The following KAZN variants were observed in gnomAD, a reference collection of about 807,000 sequenced individuals.
KAZN encodes kazrin.
In KAZN, 40 loss-of-function variants were observed where a neutral mutation model predicts 87.4. That is an observed-to-expected ratio of 0.46 (90% confidence interval 0.36 to 0.60). The LOEUF (loss-of-function observed/expected upper bound fraction) is 0.60, where lower values mean the gene tolerates loss of function less well. Ranked by LOEUF, KAZN falls within the 20% of genes least tolerant of loss-of-function variation. KAZN has a pLI of 0.00. For missense variants in KAZN, 898 were observed against 1,073.9 expected (o/e 0.84, Z 2.29); for synonymous variants, 466 against 458.3 (o/e 1.02, Z -0.22).
chr1:14,040,810 AAAAT>A (rs759757593), intron 1 of KAZN, among the ~76,000 whole-genome samples: 6 of 129,358 alleles, frequency 4.6e-5, no homozygotes, highest in Non-Finnish European at 1.1e-4. Flanking sequence ...AAAATAAAAT[AAAAT>A]AAAATAGAAA....
At chr1:15,073,788 G>C (rs1476943158) in intron 8 of KAZN, among the ~76,000 whole-genome samples, 1 of 152,192 alleles carries the variant, frequency 6.6e-6, no homozygotes, top group African/African-American at 2.4e-5. Flanking sequence ...TGAGACTTCT[G>C]TCCGGTGGAC....
intron 2 of KAZN, among the ~76,000 whole-genome samples, chr1:14,419,429 A>G (rs750865307): frequency 2.4e-4 from 37 of 152,134 alleles, no homozygotes; most frequent in Admixed American, 3.9e-4. Context: ...ACAGAACATG[A>G]GTGCCCAAAG....
intron 2 of KAZN, among the ~76,000 whole-genome samples, chr1:14,473,864 G>A (rs539546823): frequency 6.6e-6 from 1 of 152,188 alleles, no homozygotes; most frequent in South Asian, 2.1e-4. Context: ...TTATCTGGGA[G>A]GCTGACTCTT....
chr1:14,761,557 C>T (rs1180443507), intron 1 of KAZN, among the ~76,000 whole-genome samples: 1 of 152,176 alleles, frequency 6.6e-6, no homozygotes, highest in African/African-American at 2.4e-5. Context: ...CCTACTGCCC[C>T]CAACCACTGT....
intron 2 of KAZN, among the ~76,000 whole-genome samples, chr1:14,471,326 A>C (rs565249099): frequency 2.6e-4 from 39 of 152,372 alleles, no homozygotes; most frequent in African/African-American, 9.1e-4. Context: ...ATAGAAAATA[A>C]CACATATTCA....
rs1672116837 is a variant in KAZN, at chr1:15,034,993, T to A, written c.555+108T>A. ...TGCCTCTTGAATCCCCAAACACAGA[T>A]AGGGAGGCCCTTGATGTGTCCAGCC... On this transcript the variant is annotated intron_variant, in intron 3 of 14. Transcript: ENST00000376030. The A allele has an allele frequency of 7.4e-6, 10 of 1,360,102 alleles. No homozygotes were observed. The South Asian group carries it at 1.0e-4, about 14-fold the overall frequency. 84.3% of individuals were successfully genotyped at this position (1,360,102 alleles called of 1,614,324 possible). A position where few individuals can be genotyped will look rare whatever the true frequency, so the allele number is the denominator to read the frequency against.
chr1:14,228,524 G>A, intron 2 of KAZN, among the ~76,000 whole-genome samples: 1 of 152,280 alleles, frequency 6.6e-6, no homozygotes, highest in Admixed American at 6.5e-5. Context: ...TCAGAGAAGG[G>A]CCATGGGCAG....
At chr1:15,093,421 G>T (rs757189963) in intron 8 of KAZN, among the ~76,000 whole-genome samples, 6 of 152,058 alleles carry the variant, frequency 3.9e-5, no homozygotes, top group Non-Finnish European at 8.8e-5. Flanking sequence ...AGACAGGTCT[G>T]TGCCTTTCTC....
intron 2 of KAZN, among the ~76,000 whole-genome samples, chr1:14,447,483 C>T (rs1387687669): frequency 1.3e-5 from 2 of 152,100 alleles, no homozygotes; most frequent in African/African-American, 4.8e-5. Flanking sequence ...CGGTGATCCA[C>T]CCGCCTTGGC....
At chr1:14,829,237 A>C (rs1302337282) in intron 1 of KAZN, among the ~76,000 whole-genome samples, 3 of 152,240 alleles carry the variant, frequency 2.0e-5, no homozygotes, top group East Asian at 1.9e-4. Flanking sequence ...GCTATGGATG[A>C]CTTTATGGTT....
chr1:14,092,742 T>TGGA (rs1644035964), intron 1 of KAZN, among the ~76,000 whole-genome samples: 1 of 152,136 alleles, frequency 6.6e-6, no homozygotes, highest in African/African-American at 2.4e-5. Flanking sequence ...TGTCCTTTAT[T>TGGA]TTCTCCCCTT....
chr1:14,573,828 GGAA>G (rs1313292158), intron 2 of KAZN, among the ~76,000 whole-genome samples: 5 of 151,820 alleles, frequency 3.3e-5, no homozygotes, highest in African/African-American at 1.2e-4. Flanking sequence ...TGAGGATGGA[GGAA>G]GAAGGAGAAA....
chr1:14,683,296 T>G (rs1412629605), intron 1 of KAZN, among the ~76,000 whole-genome samples: 1 of 152,200 alleles, frequency 6.6e-6, no homozygotes, highest in African/African-American at 2.4e-5. Context: ...TGCTCGAATT[T>G]GAGAGTTACA....
At chr1:14,418,315 C>G (rs948051546) in intron 2 of KAZN, among the ~76,000 whole-genome samples, 4 of 152,142 alleles carry the variant, frequency 2.6e-5, no homozygotes, top group Non-Finnish European at 4.4e-5. Context: ...ATTTCCTCCC[C>G]AGGAAAGTCT....
chr1:14,449,973 T>C (rs2148329558), intron 2 of KAZN, among the ~76,000 whole-genome samples: 1 of 152,298 alleles, frequency 6.6e-6, no homozygotes, highest in Admixed American at 6.5e-5. Context: ...AGTTTTTAAC[T>C]CTTAATGGCC....
intron 2 of KAZN, among the ~76,000 whole-genome samples, chr1:14,412,330 C>A (rs1414961958): frequency 6.6e-6 from 1 of 152,112 alleles, no homozygotes; most frequent in East Asian, 1.9e-4. Context: ...TAAAAGTACT[C>A]ACATATAGAA....
At chr1:14,757,296 C>T (rs1322751827) in intron 1 of KAZN, among the ~76,000 whole-genome samples, 2 of 152,236 alleles carry the variant, frequency 1.3e-5, no homozygotes, top group African/African-American at 2.4e-5. Flanking sequence ...CACCTGCCTG[C>T]TCCTGCTTTC....
intron 2 of KAZN, among the ~76,000 whole-genome samples, chr1:14,578,801 G>T (rs1022182197): frequency 1.3e-5 from 2 of 152,046 alleles, no homozygotes; most frequent in African/African-American, 2.4e-5. Context: ...TCAGCTTCTG[G>T]TTACAGCCCT....
chr1:14,466,562 T>C (rs962176778), intron 2 of KAZN, among the ~76,000 whole-genome samples: 2 of 150,406 alleles, frequency 1.3e-5, no homozygotes, highest in African/African-American at 4.9e-5. Flanking sequence ...GACACCTAGG[T>C]GATGGGTTGA....
Sources: allele counts gnomAD v4.1 joint callset (sites outside exome capture counted in the v4.1 genomes callset), GRCh38; gene constraint gnomAD v4.1.1; transcripts MANE v1.5; gene names NCBI Gene and HGNC (gene_info 2026-07-23, HGNC 2026-07-21).